TMEM132D: variants seen among roughly 807,000 people sequenced by gnomAD.
The protein encoded by TMEM132D is mature OL transmembrane protein.
TMEM132D carries 21 observed loss-of-function variants against 62.3 expected under a neutral mutation model. The ratio of observed to expected loss-of-function variants is 0.34; its 90% CI spans 0.24 to 0.49. TMEM132D has a LOEUF of 0.49. Among genes scored for constraint, TMEM132D ranks in the 20% least tolerant of loss-of-function variants. The pLI, the probability that TMEM132D is intolerant of heterozygous loss-of-function variation, is 0.99. For missense variants in TMEM132D, 1,346 were observed against 1,402.8 expected (o/e 0.96, Z 0.65); for synonymous variants, 621 against 575.6 (o/e 1.08, Z -1.13).
chr12:129,094,478 T>G (rs182948432), intron 5 of TMEM132D, among the ~76,000 whole-genome samples: 1 of 152,214 alleles, frequency 6.6e-6, no homozygotes, highest in East Asian at 1.9e-4. Context: ...AAAACCACAA[T>G]GCGATACCAT....
chr12:129,107,469 A>G (rs539127423), intron 5 of TMEM132D, among the ~76,000 whole-genome samples: 2 of 152,322 alleles, frequency 1.3e-5, no homozygotes, highest in African/African-American at 4.8e-5. Flanking sequence ...CAGTCATTGT[A>G]AATGATGCAG....
At chr12:129,645,485 T>C (rs563532134) in intron 2 of TMEM132D, among the ~76,000 whole-genome samples, 1 of 152,300 alleles carries the variant, frequency 6.6e-6, no homozygotes, top group South Asian at 2.1e-4. Flanking sequence ...TATTGATCAG[T>C]CTGTCTTATG....
intron 1 of TMEM132D, among the ~76,000 whole-genome samples, chr12:129,813,628 A>ATT (rs1351912124): frequency 1.4e-5 from 2 of 146,990 alleles, no homozygotes; most frequent in African/African-American, 2.5e-5. Flanking sequence ...ATATATATAT[A>ATT]TATTTTCAGG....
chr12:129,462,947 A>G (rs769580367), intron 3 of TMEM132D, among the ~76,000 whole-genome samples: 2 of 152,272 alleles, frequency 1.3e-5, no homozygotes, highest in Non-Finnish European at 2.9e-5. Context: ...CTGAGACTCA[A>G]TGAACCCAGC....
intron 1 of TMEM132D, among the ~76,000 whole-genome samples, chr12:129,877,987 T>C (rs952995733): frequency 6.6e-6 from 1 of 152,188 alleles, no homozygotes; most frequent in Non-Finnish European, 1.5e-5. Context: ...AGCTATTTAA[T>C]ATATCAAAAT....
At chr12:129,733,555 G>A (rs1053594025) in intron 1 of TMEM132D, among the ~76,000 whole-genome samples, 1 of 152,146 alleles carries the variant, frequency 6.6e-6, no homozygotes, top group Non-Finnish European at 1.5e-5. Context: ...AGATTCATGA[G>A]TCTAATAGAT....
intron 3 of TMEM132D, among the ~76,000 whole-genome samples, chr12:129,429,582 C>CTT (rs369972389): frequency 0.032 from 4,624 of 143,698 alleles, 199 homozygotes; most frequent in African/African-American, 0.11. Context: ...CTAATTCTTT[C>CTT]TTTTTTTTTT....
At chr12:129,645,410 G>A (rs754487651) in intron 2 of TMEM132D, among the ~76,000 whole-genome samples, 12 of 151,978 alleles carry the variant, frequency 7.9e-5, no homozygotes, top group South Asian at 4.1e-4. Flanking sequence ...CTTACTGTTC[G>A]CTTGAGTCTT....
rs1278851532 is a variant in TMEM132D, at chr12:129,337,670, G to T, written c.1263C>A (p.Ser421Arg). ...GCACAACTCCAATCAAGTCCTTTGGGCTCACATAGATCTTGGACACTCCCA... is the reference window on the plus strand; with the variant it reads ...GCACAACTCCAATCAAGTCCTTTGGTCTCACATAGATCTTGGACACTCCCA... ...SDLGVSKIYV[S>R]PKDLIGVVPL... Residue 421 changes from serine to arginine, a missense_variant, in exon 4 of 9, where the codon AGC becomes AGA. Transcript: ENST00000422113. 1 of 1,614,086 alleles carries T rather than the reference G, an allele frequency of 6.2e-7. No homozygotes were observed. Among genetic ancestry groups the T allele is most frequent in the South Asian group, 1.1e-5 (1 of 91,062 alleles).
At chr12:129,902,310 C>T (rs1403426458) in intron 1 of TMEM132D, among the ~76,000 whole-genome samples, 3 of 152,192 alleles carry the variant, frequency 2.0e-5, no homozygotes, top group South Asian at 2.1e-4. Flanking sequence ...GTACAGGGTT[C>T]TTGCAGCACG....
intron 4 of TMEM132D, among the ~76,000 whole-genome samples, chr12:129,249,199 T>C (rs1265305614): frequency 6.6e-6 from 1 of 152,216 alleles, no homozygotes; most frequent in Non-Finnish European, 1.5e-5. Flanking sequence ...TGCTTTGTAA[T>C]GTTTTACAAT....
At chr12:129,237,564 CTTAAAT>C (rs1879819213) in intron 4 of TMEM132D, among the ~76,000 whole-genome samples, 2 of 152,114 alleles carry the variant, frequency 1.3e-5, no homozygotes, top group Middle Eastern at 3.4e-3. Flanking sequence ...TGTTACTGAT[CTTAAAT>C]TTAATTTTGA....
chr12:129,741,782 G>A (rs1869617545), intron 1 of TMEM132D, among the ~76,000 whole-genome samples: 1 of 152,154 alleles, frequency 6.6e-6, no homozygotes, highest in African/African-American at 2.4e-5. Flanking sequence ...TAGTCTTGGG[G>A]GCTTAAGTAG....
intron 2 of TMEM132D, among the ~76,000 whole-genome samples, chr12:129,649,468 T>G (rs1028062588): frequency 6.6e-6 from 1 of 152,188 alleles, no homozygotes; most frequent in African/African-American, 2.4e-5. Context: ...ATCATTTGAT[T>G]GGGAACCTGA....
At chr12:129,697,902 TACAC>T (rs36080799) in intron 2 of TMEM132D, among the ~76,000 whole-genome samples, 37 of 143,852 alleles carry the variant, frequency 2.6e-4, no homozygotes, top group African/African-American at 8.5e-4. Context: ...CATCACTGCT[TACAC>T]ACACACACAC....
At position 129,317,055 on chromosome 12, in the gene TMEM132D, C is replaced by G. The variant is rs527940810; in HGVS notation, c.1299+20579G>C. 2.0e-5 allele frequency among the ~76,000 whole-genome samples: 3 copies of G among 152,266 alleles called. No homozygotes were observed. In the South Asian group the frequency reaches 6.2e-4, roughly 32 times the overall value. ...ATGTGTTAGGTGAGTCTCCTGAGGG[C>G]AGCAGATAGTTGGCTGGGTTCTTAT... On this transcript the variant is annotated intron_variant, in intron 4 of 8. Transcript: ENST00000422113.
chr12:129,538,683 G>A (rs573195177), intron 2 of TMEM132D, among the ~76,000 whole-genome samples: 2 of 152,152 alleles, frequency 1.3e-5, no homozygotes, highest in Non-Finnish European at 1.5e-5. Context: ...ATGGCAATGC[G>A]GTCTCTCTCA....
chr12:129,198,055 C>A (rs980415029), intron 5 of TMEM132D, among the ~76,000 whole-genome samples: 2 of 152,126 alleles, frequency 1.3e-5, no homozygotes, highest in Non-Finnish European at 2.9e-5. Flanking sequence ...CGAATCACTA[C>A]GGAATGAAGA....
intron 4 of TMEM132D, among the ~76,000 whole-genome samples, chr12:129,227,486 TTTAAGACC>T (rs1879512838): frequency 6.7e-6 from 1 of 149,510 alleles, no homozygotes; most frequent in South Asian, 2.1e-4. Context: ...CATGAATGAG[TTTAAGACC>T]TTAAGCCAGT....
Sources: allele counts gnomAD v4.1 joint callset (sites outside exome capture counted in the v4.1 genomes callset), GRCh38; gene constraint gnomAD v4.1.1; transcripts MANE v1.5; gene names NCBI Gene and HGNC (gene_info 2026-07-23, HGNC 2026-07-21).